The following ERG variants were observed in gnomAD, a reference collection of about 807,000 sequenced individuals.
The protein encoded by ERG is ETS transcription factor ERG.
In ERG, 9 loss-of-function variants were observed where a neutral mutation model predicts 55.3. That is an observed-to-expected ratio of 0.16 (90% CI 0.10 to 0.28). The LOEUF (loss-of-function observed/expected upper bound fraction) is 0.28. Among genes scored for constraint, ERG ranks in the 10% least tolerant of loss-of-function variants. The pLI, the probability that ERG is intolerant of heterozygous loss-of-function variation, is 1.00. For synonymous variants in ERG, 223 were observed against 237.3 expected, an observed-to-expected ratio of 0.94 and a Z score of 0.55; for missense variants, 434 against 631.6, an observed-to-expected ratio of 0.69 and a Z score of 3.35.
chr21:38,608,195 G>A (rs1437106559), intron 1 of ERG, among the ~76,000 whole-genome samples: 1 of 152,122 alleles, frequency 6.6e-6, no homozygotes, highest in Admixed American at 6.5e-5. Context: ...GTTTATGAGA[G>A]ATGTATCTAA....
intron 9 of ERG, among the ~76,000 whole-genome samples, chr21:38,386,098 C>T (rs1455133978): frequency 6.6e-6 from 1 of 152,204 alleles, no homozygotes; most frequent in Non-Finnish European, 1.5e-5. Context: ...CAAAAGTGAT[C>T]TCATGTCTCT....
intron 1 of ERG, among the ~76,000 whole-genome samples, chr21:38,604,029 A>G (rs760516382): frequency 2.7e-4 from 41 of 151,972 alleles, no homozygotes; most frequent in Non-Finnish European, 4.7e-4. Context: ...CGGGCGGATC[A>G]TGAGGTCAGG....
At chr21:38,598,589 C>T (rs1342117018) in intron 1 of ERG, among the ~76,000 whole-genome samples, 1 of 152,188 alleles carries the variant, frequency 6.6e-6, no homozygotes, top group Non-Finnish European at 1.5e-5. Context: ...AGCACAGCAG[C>T]GGTGCACTCT....
the ERG span, among the ~76,000 whole-genome samples, chr21:38,371,551 C>A: frequency 8.6e-5 from 13 of 151,910 alleles, no homozygotes; most frequent in Middle Eastern, 3.2e-3. Flanking sequence ...AAGTCATATT[C>A]TTTTCTTAGT....
chr21:38,622,890 C>T (rs969662483), intron 1 of ERG, among the ~76,000 whole-genome samples: 1 of 149,912 alleles, frequency 6.7e-6, no homozygotes, highest in Non-Finnish European at 1.5e-5. Flanking sequence ...TCATATATAC[C>T]ACACACACCA....
chr21:38,381,717 T>G lies in ERG; in HGVS notation c.*1686A>C. 9.4e-7 allele frequency: 1 copy of G among 1,063,586 alleles called. No individual in the cohort carries two copies. Among genetic ancestry groups the G allele is most frequent in the East Asian group, 5.0e-5 (1 of 19,818 alleles). 65.9% of individuals were successfully genotyped at this position (1,063,586 alleles called of 1,614,324 possible). On this transcript the variant is annotated 3_prime_UTR_variant, in exon 10 of 10. Coordinates refer to ENST00000288319, the MANE Select transcript of ERG (RefSeq NM_182918.4). The stretch of plus-strand genomic sequence containing the variant: ...GGTGATTTGTGACCAGGTGCTGAAC[T>G]AGAATTTCTCAATGACAACCCCAGC...
At chr21:38,582,044 CAAA>C (rs35717235) in intron 1 of ERG, among the ~76,000 whole-genome samples, 7,414 of 87,900 alleles carry the variant, frequency 0.084, 129 homozygotes, top group South Asian at 0.19. Flanking sequence ...CTCCATCTCA[CAAA>C]AAAAAAAAAA....
intron 9 of ERG, among the ~76,000 whole-genome samples, chr21:38,384,718 G>A (rs191829894): frequency 2.7e-4 from 41 of 151,970 alleles, no homozygotes; most frequent in African/African-American, 9.4e-4. Context: ...GAAAAAAATC[G>A]AGAATGGAAG....
chr21:38,660,730 C>A (rs536515600), intron 1 of ERG: 1 of 151,856 alleles, frequency 6.6e-6, no homozygotes, highest in Non-Finnish European at 1.5e-5. Flanking sequence ...GCAGGGCGGC[C>A]GCCCCGACGC....
chr21:38,474,686 A>G (rs951359366), intron 1 of ERG, among the ~76,000 whole-genome samples: 2 of 152,112 alleles, frequency 1.3e-5, no homozygotes, highest in Non-Finnish European at 2.9e-5. Context: ...TGGTGACTAT[A>G]TAGCCCTTGT....
chr21:38,423,686 A>G, intron 2 of ERG, 125 bp from the exon 3 acceptor site: 1 of 1,052,482 alleles, frequency 9.5e-7, no homozygotes, highest in Admixed American at 2.6e-5. Context: ...AGAAAGGACA[A>G]GTGTGAAAAG....
chr21:38,446,670 A>G (rs1008327882), intron 1 of ERG, among the ~76,000 whole-genome samples: 1 of 152,156 alleles, frequency 6.6e-6, no homozygotes, highest in Admixed American at 6.5e-5. Context: ...TAGTTGGGCC[A>G]CACATTTTTA....
chr21:38,419,036 G>A (rs1211426435), intron 3 of ERG, among the ~76,000 whole-genome samples: 1 of 151,942 alleles, frequency 6.6e-6, no homozygotes, highest in African/African-American at 2.4e-5. Flanking sequence ...CATGGGGGAT[G>A]TCACACTTGT....
chr21:38,633,186 T>C (rs907299502), intron 1 of ERG, among the ~76,000 whole-genome samples: 1 of 152,194 alleles, frequency 6.6e-6, no homozygotes, highest in African/African-American at 2.4e-5. Context: ...GTGAAATTCA[T>C]GGAAACAGAA....
At chr21:38,555,666 A>C (rs1459189341) in intron 2 of ERG, among the ~76,000 whole-genome samples, 1 of 152,198 alleles carries the variant, frequency 6.6e-6, no homozygotes. Context: ...TCAAGTCCAC[A>C]TGGAAAAATG....
intron 2 of ERG, among the ~76,000 whole-genome samples, chr21:38,520,622 G>T (rs1174662789): frequency 6.6e-6 from 1 of 152,146 alleles, no homozygotes; most frequent in African/African-American, 2.4e-5. Flanking sequence ...ATGCACAAAG[G>T]AAAGCTGGGA....
intron 1 of ERG, among the ~76,000 whole-genome samples, chr21:38,493,500 A>G (rs2059354385): frequency 6.6e-6 from 1 of 152,232 alleles, no homozygotes; most frequent in African/African-American, 2.4e-5. Flanking sequence ...GATGACTTTT[A>G]AACGTTTTCT....
At chr21:38,385,843 C>T (rs959060537) in intron 9 of ERG, among the ~76,000 whole-genome samples, 7 of 152,072 alleles carry the variant, frequency 4.6e-5, no homozygotes, top group Non-Finnish European at 1.0e-4. Flanking sequence ...GAAAAAATTC[C>T]GTATATGACC....
At chr21:38,600,085 G>A (rs1484015391) in intron 1 of ERG, among the ~76,000 whole-genome samples, 1 of 152,198 alleles carries the variant, frequency 6.6e-6, no homozygotes, top group African/African-American at 2.4e-5. Context: ...GACAGGGCCA[G>A]GAAGTTTACA....
Sources: gnomAD v4.1 joint callset for allele counts (sites outside exome capture counted in the v4.1 genomes callset) on GRCh38, gnomAD v4.1.1 for gene constraint, MANE v1.5 for transcripts, NCBI Gene and HGNC (gene_info 2026-07-23, HGNC 2026-07-21) for gene names.